Variants in GALNT2 observed in about 807,000 individuals in gnomAD.
GALNT2 encodes UDP-GalNAc:polypeptide N-acetylgalactosaminyltransferase 2.
Under a neutral mutation model 81.4 loss-of-function variants are expected in GALNT2, and 31 were observed. That is an observed-to-expected ratio of 0.38 (90% confidence interval 0.29 to 0.51). The LOEUF is 0.51. Among genes scored for constraint, GALNT2 ranks in the 20% least tolerant of loss-of-function variants. The pLI, the probability that GALNT2 is intolerant of heterozygous loss-of-function variation, is 0.87. For synonymous variants in GALNT2, 303 were observed against 287.4 expected (o/e 1.05, Z -0.55); for missense variants, 629 against 765.7 (o/e 0.82, Z 2.11).
At chr1:230,069,122 G>A (rs916916002) in intron 1 of GALNT2, among the ~76,000 whole-genome samples, 14 of 152,168 alleles carry the variant, frequency 9.2e-5, no homozygotes, top group African/African-American at 3.4e-4. Context: ...ATTAGTACAC[G>A]TGATTAGAAA....
intron 1 of GALNT2, among the ~76,000 whole-genome samples, chr1:230,073,860 A>G (rs966795187): frequency 1.3e-5 from 2 of 152,056 alleles, no homozygotes; most frequent in African/African-American, 4.8e-5. Flanking sequence ...GGAGCTCCCC[A>G]TGGAACAGAG....
chr1:230,201,704 C>T (rs1158688070), intron 2 of GALNT2, among the ~76,000 whole-genome samples: 1 of 152,170 alleles, frequency 6.6e-6, no homozygotes, highest in Non-Finnish European at 1.5e-5. Flanking sequence ...TTGGCTCTGA[C>T]GGCCAGGCTC....
intron 1 of GALNT2, among the ~76,000 whole-genome samples, chr1:230,135,837 C>T (rs1450539996): frequency 6.6e-6 from 1 of 152,022 alleles, no homozygotes; most frequent in Admixed American, 6.5e-5. Flanking sequence ...AGGTGTGCAC[C>T]ACCACGCCTG....
rs555545249 is a variant in GALNT2 at position 230,085,366 on chromosome 1, A to C, written c.126+17960A>C. Among the ~76,000 whole-genome samples the C allele has an allele frequency of 1.2e-4, 19 of 152,282 alleles. No individual in the cohort carries two copies. In the South Asian group the frequency reaches 3.9e-3, roughly 32 times the overall value. The stretch of plus-strand genomic sequence containing the variant: ...CCGTGGAACACTGGGCATACAGATG[A>C]GCGAGGCCCTTTGTTTTGGGTTAAA... On this transcript the variant is annotated intron_variant, in intron 1 of 15. Transcript: ENST00000366672.
At chr1:230,191,073 A>C (rs12409144) in intron 2 of GALNT2, among the ~76,000 whole-genome samples, 2 of 152,074 alleles carry the variant, frequency 1.3e-5, no homozygotes, top group African/African-American at 4.8e-5. Context: ...TCCTGTTCCA[A>C]CAAGCAAGAA....
intron 1 of GALNT2, among the ~76,000 whole-genome samples, chr1:230,172,493 A>G (rs1662825304): frequency 6.6e-6 from 1 of 152,210 alleles, no homozygotes; most frequent in Non-Finnish European, 1.5e-5. Flanking sequence ...TAAGCTACTG[A>G]GTTTTGCAGC....
At chr1:230,128,847 C>A (rs1661278529) in intron 1 of GALNT2, among the ~76,000 whole-genome samples, 1 of 152,230 alleles carries the variant, frequency 6.6e-6, no homozygotes, top group Non-Finnish European at 1.5e-5. Flanking sequence ...CGAGCCCCAT[C>A]CAGGGCACCT....
At chr1:230,274,410 A>G (rs763311531) in intron 14 of GALNT2, 35 bp from the exon 15 acceptor site, 17 of 1,609,360 alleles carry the variant, frequency 1.1e-5, no homozygotes, top group Middle Eastern at 1.7e-4. Flanking sequence ...AGCCCGGTGC[A>G]TAGCACGCCT....
chr1:230,265,929 C>A (rs140188255), intron 14 of GALNT2, among the ~76,000 whole-genome samples: 1 of 152,212 alleles, frequency 6.6e-6, no homozygotes, highest in Non-Finnish European at 1.5e-5. Context: ...CCGTGGCGCA[C>A]GCCTGTAATC....
At chr1:230,206,109 G>C (rs1453805890) in intron 3 of GALNT2, among the ~76,000 whole-genome samples, 1 of 152,042 alleles carries the variant, frequency 6.6e-6, no homozygotes, top group Non-Finnish European at 1.5e-5. Flanking sequence ...TCACCATGTG[G>C]GTTAAGAGCT....
chr1:230,176,978 C>T (rs1030480787), intron 1 of GALNT2, among the ~76,000 whole-genome samples: 15 of 152,176 alleles, frequency 9.9e-5, no homozygotes, highest in South Asian at 2.1e-4. Flanking sequence ...GCCATTTTCA[C>T]GGCAGCCCTG....
intron 1 of GALNT2, among the ~76,000 whole-genome samples, chr1:230,141,238 A>G (rs1263090318): frequency 6.6e-6 from 1 of 152,156 alleles, no homozygotes; most frequent in Non-Finnish European, 1.5e-5. Context: ...CCATCTTAAC[A>G]CTGCGCAGAA....
At chr1:230,242,740 A>G (rs1558156894) in intron 6 of GALNT2, among the ~76,000 whole-genome samples, 1 of 152,200 alleles carries the variant, frequency 6.6e-6, no homozygotes, top group Non-Finnish European at 1.5e-5. Flanking sequence ...ATGAACGTGC[A>G]CATTATTAAC....
chr1:230,262,809 C>T, intron 12 of GALNT2, 113 bp from the exon 13 acceptor site: 2 of 1,290,012 alleles, frequency 1.6e-6, no homozygotes, highest in Non-Finnish European at 1.1e-6. Context: ...ATGGGCAGTC[C>T]ACACCACACC....
At chr1:230,254,678 A>G (rs547718477) in intron 10 of GALNT2, among the ~76,000 whole-genome samples, 1 of 152,366 alleles carries the variant, frequency 6.6e-6, no homozygotes, top group African/African-American at 2.4e-5. Flanking sequence ...TCTGTTAAAA[A>G]TAAGTTTTAG....
chr1:230,123,264 G>C (rs1411450369), intron 1 of GALNT2, among the ~76,000 whole-genome samples: 1 of 152,144 alleles, frequency 6.6e-6, no homozygotes, highest in African/African-American at 2.4e-5. Context: ...GTGACGCTTG[G>C]CTCCAAGTGG....
intron 15 of GALNT2, among the ~76,000 whole-genome samples, chr1:230,278,760 A>G (rs1666361074): frequency 6.6e-6 from 1 of 152,164 alleles, no homozygotes; most frequent in African/African-American, 2.4e-5. Context: ...TGTTCAAACA[A>G]CCATCTCTCT....
intron 1 of GALNT2, among the ~76,000 whole-genome samples, chr1:230,147,369 C>T (rs1661953339): frequency 6.6e-6 from 1 of 152,230 alleles, no homozygotes; most frequent in Admixed American, 6.5e-5. Flanking sequence ...TAGCTGAAAG[C>T]CGCCTACTTT....
At chr1:230,172,614 G>A (rs1265491598) in intron 1 of GALNT2, among the ~76,000 whole-genome samples, 6 of 152,152 alleles carry the variant, frequency 3.9e-5, no homozygotes, top group Non-Finnish European at 7.4e-5. Context: ...AGTGCCTAAG[G>A]GGCTTGCTCA....
Sources: allele counts gnomAD v4.1 joint callset (sites outside exome capture counted in the v4.1 genomes callset), GRCh38; gene constraint gnomAD v4.1.1; transcripts MANE v1.5; gene names NCBI Gene and HGNC (gene_info 2026-07-23, HGNC 2026-07-21).